Variants in SENP7 observed in about 807,000 individuals in gnomAD.
SENP7 encodes the protein sentrin-specific protease 7.
Under a neutral mutation model 141.2 loss-of-function variants are expected in SENP7, and 64 were observed. That is an observed-to-expected ratio of 0.45 (90% CI 0.37 to 0.56). SENP7 has a LOEUF of 0.56. Among genes scored for constraint, SENP7 ranks in the 20% least tolerant of loss-of-function variants. The pLI, the probability that SENP7 is intolerant of heterozygous loss-of-function variation, is 0.00. For synonymous variants in SENP7, 382 were observed against 426.4 expected (o/e 0.90, Z 1.28); for missense variants, 1,025 against 1,212.2 (o/e 0.85, Z 2.29).
chr3:101,439,218 G>A (rs2062530554), intron 4 of SENP7, among the ~76,000 whole-genome samples: 5 of 103,484 alleles, frequency 4.8e-5, no homozygotes, highest in African/African-American at 1.8e-4. Context: ...CCTCTGCCCG[G>A]CCGAGACCCC....
chr3:101,417,709 A>C lies in SENP7; in HGVS notation c.366T>G (p.Ala122=), dbSNP rs1186291265. The C allele has an allele frequency of 1.9e-6, 3 of 1,613,900 alleles. No homozygotes were observed. Among genetic ancestry groups the C allele is most frequent in the African/African-American group, 2.7e-5 (2 of 74,950 alleles). ...GCACCTTGTTGGCATCACATAAATT[A>C]GCATCGTTTCTAGGTAGGGTCTTTC... ...KFRKTLPRND[A]NLCDANKVQS... is the part of the protein sequence containing the mutation. Residue 122 remains alanine, a synonymous_variant, in exon 5 of 24, where the codon GCT becomes GCG. Coordinates refer to ENST00000394095, the MANE Select transcript of SENP7 (RefSeq NM_020654.5).
At chr3:101,444,813 A>G (rs2062826348) in intron 4 of SENP7, among the ~76,000 whole-genome samples, 1 of 151,758 alleles carries the variant, frequency 6.6e-6, no homozygotes, top group Admixed American at 6.6e-5. Context: ...TAGTGGGTGC[A>G]GCGCACCAGC....
intron 23 of SENP7, 92 bp from the exon 24 acceptor site, chr3:101,326,172 A>G: frequency 9.6e-7 from 1 of 1,038,570 alleles, no homozygotes; most frequent in Non-Finnish European, 1.3e-6. Context: ...CAAATTGCTA[A>G]CTTTTTTAAA....
intron 3 of SENP7, among the ~76,000 whole-genome samples, chr3:101,473,991 T>A (rs1282723494): frequency 6.6e-6 from 1 of 152,220 alleles, no homozygotes. Context: ...GAATAAGGAA[T>A]CCTTTCCCCA....
chr3:101,406,350 G>A (rs9755773), intron 5 of SENP7, among the ~76,000 whole-genome samples: 60,176 of 151,396 alleles, frequency 0.4, 12,451 homozygotes, highest in Admixed American at 0.54. Flanking sequence ...ACCAAACACC[G>A]CATGTTCTCA....
chr3:101,489,691 G>A (rs1246889576), intron 3 of SENP7, among the ~76,000 whole-genome samples: 3 of 152,046 alleles, frequency 2.0e-5, no homozygotes, highest in Non-Finnish European at 2.9e-5. Context: ...ACTTAGTTAG[G>A]CAACCACATC....
chr3:101,418,261 T>C (rs2061683111), intron 4 of SENP7, among the ~76,000 whole-genome samples: 1 of 152,084 alleles, frequency 6.6e-6, no homozygotes, highest in Admixed American at 6.5e-5. Context: ...GATTTAATTT[T>C]ATCTTATTTC....
At chr3:101,419,463 C>T (rs772767090) in intron 4 of SENP7, among the ~76,000 whole-genome samples, 29 of 152,028 alleles carry the variant, frequency 1.9e-4, no homozygotes, top group Admixed American at 3.3e-4. Context: ...AATTAATTTA[C>T]GGAGATGATG....
chr3:101,444,182 C>A (rs2062793611), intron 4 of SENP7, among the ~76,000 whole-genome samples: 1 of 128,840 alleles, frequency 7.8e-6, no homozygotes, highest in African/African-American at 2.7e-5. Context: ...CAAATCAAAA[C>A]CACAGTGAGA....
At chr3:101,361,217 C>G (rs1353225239) in intron 11 of SENP7, among the ~76,000 whole-genome samples, 2 of 124,032 alleles carry the variant, frequency 1.6e-5, no homozygotes, top group African/African-American at 5.5e-5. Flanking sequence ...TGTCCGCCCC[C>G]CCAAAAAAAA....
At chr3:101,401,940 C>T (rs563349068) in intron 5 of SENP7, among the ~76,000 whole-genome samples, 26 of 150,196 alleles carry the variant, frequency 1.7e-4, no homozygotes, top group African/African-American at 5.6e-4. Flanking sequence ...GCCATGATGA[C>T]GCTAGCTGGG....
chr3:101,359,532 T>C (rs983738489), intron 11 of SENP7, among the ~76,000 whole-genome samples: 6 of 151,906 alleles, frequency 3.9e-5, no homozygotes, highest in African/African-American at 1.4e-4. Context: ...AATTAATTTT[T>C]AGGACCACTT....
intron 4 of SENP7, among the ~76,000 whole-genome samples, chr3:101,440,966 TTAAGAA>T (rs1271720042): frequency 6.6e-6 from 1 of 152,050 alleles, no homozygotes; most frequent in Admixed American, 6.6e-5. Context: ...CGCTACCAAA[TTAAGAA>T]TAGAAAGGAA....
Position 101,376,391 on chromosome 3 carries a change from C to CA in SENP7, c.678-4266dup, listed in dbSNP as rs202183988. 6.1e-3 allele frequency among the ~76,000 whole-genome samples: 926 copies of CA among 151,632 alleles called. 6 individuals are homozygous for CA. Among genetic ancestry groups the CA allele is most frequent in the African/African-American group, 0.022 (889 of 41,300 alleles). On this transcript the variant is annotated intron_variant, in intron 6 of 23. Transcript: ENST00000394095. The stretch of plus-strand genomic sequence containing the variant: ...ATATTCTATTACAATCTTTAAAATA[C>CA]AAAAAAGGTATTAAAATATACAATA...
At chr3:101,483,230 T>C (rs186331004) in intron 3 of SENP7, among the ~76,000 whole-genome samples, 17 of 151,842 alleles carry the variant, frequency 1.1e-4, no homozygotes, top group Non-Finnish European at 1.8e-4. Context: ...TAAAAAAAAG[T>C]GGTACATACA....
intron 4 of SENP7, among the ~76,000 whole-genome samples, chr3:101,431,508 C>CTTTTTTTTTTTTTTTTTT (rs56937965): frequency 4.8e-5 from 4 of 82,906 alleles, no homozygotes; most frequent in African/African-American, 1.5e-4. Flanking sequence ...GCAACCCCTG[C>CTTTTTTTTTTTTTTTTTT]TTTTTTTTTT....
chr3:101,460,104 T>C (rs1174674123), intron 3 of SENP7, among the ~76,000 whole-genome samples: 1 of 152,204 alleles, frequency 6.6e-6, no homozygotes, highest in Non-Finnish European at 1.5e-5. Flanking sequence ...CTATATCAAC[T>C]ATTTTGGTTA....
In SENP7 at chr3:101,479,280, C is replaced by T. The variant is rs116616415; in HGVS notation, c.186+14593G>A. 7.8e-3 allele frequency among the ~76,000 whole-genome samples: 1,184 copies of T among 152,290 alleles called. 21 individuals are homozygous for T. The highest frequency in any genetic ancestry group is 0.028 in the African/African-American group (1,145 of 41,546). ...AAATTATCCCTCTTTGCAGAAGACA[C>T]GATCTTATATTTAGAAAAACCTAAA... On this transcript the variant is annotated intron_variant, in intron 3 of 23. Coordinates refer to ENST00000394095, the MANE Select transcript of SENP7 (RefSeq NM_020654.5).
intron 5 of SENP7, among the ~76,000 whole-genome samples, chr3:101,411,947 T>C (rs1432420906): frequency 1.3e-5 from 2 of 152,196 alleles, no homozygotes; most frequent in African/African-American, 4.8e-5. Context: ...AGTATCATTT[T>C]CTGACTGTGT....
Sources: gnomAD v4.1 joint callset for allele counts (sites outside exome capture counted in the v4.1 genomes callset) on GRCh38, gnomAD v4.1.1 for gene constraint, MANE v1.5 for transcripts, NCBI Gene and HGNC (gene_info 2026-07-23, HGNC 2026-07-21) for gene names.